Variants in NREP observed in about 807,000 individuals in gnomAD.
NREP encodes neuronal regeneration-related protein.
Under a neutral mutation model 8.6 loss-of-function variants are expected in NREP, and 5 were observed. The ratio of observed to expected loss-of-function variants is 0.58; its 90% confidence interval spans 0.30 to 1.22. The LOEUF (loss-of-function observed/expected upper bound fraction) is 1.22, where lower values mean the gene tolerates loss of function less well. Ranked by LOEUF, NREP falls within the 50% of genes most tolerant of loss-of-function variation. The pLI is 0.07. For missense variants in NREP, 86 were observed against 82.5 expected (o/e 1.04, Z -0.17); for synonymous variants, 27 against 28.0 (o/e 0.96, Z 0.11).
chr5:111,930,739 C>G (rs1755513963), intron 2 of NREP, among the ~76,000 whole-genome samples: 1 of 152,146 alleles, frequency 6.6e-6, no homozygotes, highest in South Asian at 2.1e-4. Flanking sequence ...TGACCTAGCT[C>G]AGGCATACAT....
intron 2 of NREP, among the ~76,000 whole-genome samples, chr5:111,888,122 G>T (rs1290792205): frequency 6.6e-6 from 1 of 152,172 alleles, no homozygotes; most frequent in African/African-American, 2.4e-5. Context: ...GGGCTTTTGG[G>T]TCTAGAAATG....
At chr5:111,866,246 T>C (rs1277108636) in intron 2 of NREP, among the ~76,000 whole-genome samples, 4 of 152,014 alleles carry the variant, frequency 2.6e-5, no homozygotes, top group African/African-American at 9.7e-5. Context: ...TTTTGCAACC[T>C]ACTCATCTGA....
At chr5:111,764,901 A>G (rs1004681669) in intron 2 of NREP, among the ~76,000 whole-genome samples, 2 of 152,192 alleles carry the variant, frequency 1.3e-5, no homozygotes, top group African/African-American at 4.8e-5. Context: ...TGCACTTTCT[A>G]ACTTGTAAAA....
At chr5:111,942,309 T>C (rs1445273467) in intron 2 of NREP, among the ~76,000 whole-genome samples, 1 of 152,028 alleles carries the variant, frequency 6.6e-6, no homozygotes, top group East Asian at 1.9e-4. Context: ...ATTTTCTCAC[T>C]TAAAAAAATC....
intron 2 of NREP, among the ~76,000 whole-genome samples, chr5:111,827,667 C>G (rs983041304): frequency 6.6e-6 from 1 of 152,090 alleles, no homozygotes; most frequent in African/African-American, 2.4e-5. Flanking sequence ...CATGGCGAAA[C>G]CTTGTCTCTA....
intron 2 of NREP, among the ~76,000 whole-genome samples, chr5:111,751,799 A>T (rs1750376751): frequency 6.6e-6 from 1 of 152,162 alleles, no homozygotes; most frequent in Admixed American, 6.5e-5. Flanking sequence ...AGACAAAATC[A>T]ATTTTTTGAG....
intron 2 of NREP, among the ~76,000 whole-genome samples, chr5:111,929,968 C>T (rs911681464): frequency 2.0e-5 from 3 of 152,076 alleles, no homozygotes; most frequent in African/African-American, 7.2e-5. Context: ...AATTTGTCTG[C>T]AGGCAATTGT....
chr5:111,828,260 C>G (rs1752675276), intron 2 of NREP, among the ~76,000 whole-genome samples: 2 of 152,082 alleles, frequency 1.3e-5, no homozygotes, highest in African/African-American at 4.8e-5. Flanking sequence ...GAACTCTCAA[C>G]CTCAAGTGAT....
chr5:111,758,475 T>A (rs1750869699), upstream of NREP, among the ~76,000 whole-genome samples: 1 of 152,210 alleles, frequency 6.6e-6, no homozygotes, highest in Non-Finnish European at 1.5e-5. Flanking sequence ...TAGCTCAAAA[T>A]TTTGCAACAA....
In NREP at chr5:111,824,564, CATT is replaced by C. The variant is rs1752579121; in HGVS notation, c.136-89060_136-89058del. 3.9e-5 allele frequency among the ~76,000 whole-genome samples: 6 copies of C among 152,084 alleles called. No homozygotes were observed. In the South Asian group the frequency reaches 1.2e-3, roughly 32 times the overall value. ...TTGAAAGCCCATGTTTTTTCAAACA[CATT>C]GTACTTTTTTATCTATAGAAATATG... On this transcript the variant is annotated intron_variant, in intron 2 of 3. Coordinates refer to the NREP transcript ENST00000395634.
intron 2 of NREP, among the ~76,000 whole-genome samples, chr5:111,895,235 C>T (rs114096369): frequency 0.01 from 1,556 of 152,252 alleles, 23 homozygotes; most frequent in African/African-American, 0.035. Flanking sequence ...CAGAGTGGGG[C>T]TCAGGAATTG....
chr5:111,803,959 A>G (rs2112906902), intron 2 of NREP, among the ~76,000 whole-genome samples: 2 of 152,334 alleles, frequency 1.3e-5, no homozygotes, highest in Middle Eastern at 6.8e-3. Flanking sequence ...TCCATAGATT[A>G]ATTTATAACT....
intron 3 of NREP, chr5:111,733,854 A>C (rs1049936928): frequency 2.0e-5 from 3 of 152,180 alleles, no homozygotes; most frequent in Non-Finnish European, 4.4e-5. Context: ...GATGACTACT[A>C]GGAAATTAAT....
At chr5:111,741,456 GT>G (rs1561638092) in intron 2 of NREP, among the ~76,000 whole-genome samples, 1 of 152,098 alleles carries the variant, frequency 6.6e-6, no homozygotes, top group African/African-American at 2.4e-5. Context: ...GGTGTTACTG[GT>G]CATATGAGAG....
chr5:111,967,144 C>T (rs1218499934), intron 2 of NREP, among the ~76,000 whole-genome samples: 1 of 152,330 alleles, frequency 6.6e-6, no homozygotes, highest in South Asian at 2.1e-4. Context: ...AACAATAAAA[C>T]TTATCCAGCC....
At chr5:111,829,098 GAA>G (rs200366779) in intron 2 of NREP, among the ~76,000 whole-genome samples, 1 of 142,672 alleles carries the variant, frequency 7.0e-6, no homozygotes, top group Non-Finnish European at 1.5e-5. Flanking sequence ...AGTGTATCTG[GAA>G]AAAAAAAAAC....
At chr5:111,797,367 G>A (rs766202937) in intron 2 of NREP, among the ~76,000 whole-genome samples, 2 of 152,210 alleles carry the variant, frequency 1.3e-5, no homozygotes, top group East Asian at 3.9e-4. Flanking sequence ...TAGTCCAATT[G>A]TTATCCTCTA....
At chr5:111,893,331 A>T (rs1754436640) in intron 2 of NREP, among the ~76,000 whole-genome samples, 1 of 152,200 alleles carries the variant, frequency 6.6e-6, no homozygotes, top group Non-Finnish European at 1.5e-5. Context: ...GAGTTAGAAA[A>T]TAATTGAGGG....
chr5:111,731,566 A>G (rs1265756225), intron 3 of NREP, among the ~76,000 whole-genome samples: 1 of 152,154 alleles, frequency 6.6e-6, no homozygotes, highest in African/African-American at 2.4e-5. Context: ...TCTATGTGCA[A>G]TCGGCGCATG....
Sources: allele counts gnomAD v4.1 joint callset (sites outside exome capture counted in the v4.1 genomes callset), GRCh38; gene constraint gnomAD v4.1.1; transcripts MANE v1.5; gene names NCBI Gene and HGNC (gene_info 2026-07-23, HGNC 2026-07-21).